Variants in MRPL2 observed in about 807,000 individuals in gnomAD.
MRPL2 encodes the protein large ribosomal subunit protein uL2m.
Under a neutral mutation model 34.6 loss-of-function variants are expected in MRPL2, and 27 were observed. The ratio of observed to expected loss-of-function variants is 0.78; its 90% CI spans 0.58 to 1.08. The LOEUF (loss-of-function observed/expected upper bound fraction) is 1.08. Among genes scored for constraint, MRPL2 ranks in the 50% least tolerant of loss-of-function variants. The probability of loss-of-function intolerance (pLI) is 0.00; values close to 1 mark genes in which losing one functional copy is unlikely to be tolerated. For synonymous variants in MRPL2, 155 were observed against 158.0 expected (o/e 0.98, Z 0.14); for missense variants, 414 against 419.3 (o/e 0.99, Z 0.11).
Position 43,059,082 on chromosome 6 carries a change from A to G in MRPL2, c.96+204T>C, listed in dbSNP as rs905673776. On this transcript the variant is annotated intron_variant, in intron 1 of 6. Transcript: ENST00000388752. Reference sequence around the variant, plus strand: ...AACCGGTGATCTGCAAAGCACTTTCACCTTAAGTATCTCGTCTGAAGAATT... The same window carrying G: ...AACCGGTGATCTGCAAAGCACTTTCGCCTTAAGTATCTCGTCTGAAGAATT... The G allele has an allele frequency of 8.1e-6, 12 of 1,486,166 alleles. No individual in the cohort carries two copies. The African/African-American group carries it at 1.5e-4, about 19-fold the overall frequency. The allele number at this position is 1,486,166 out of a possible 1,614,324, so 92.1% of individuals were successfully genotyped here.
rs1312480803 is a variant in MRPL2, at chr6:43,055,743, G to A, written c.632-125C>T. 55 of 1,293,080 alleles carry A rather than the reference G, an allele frequency of 4.3e-5. No homozygotes were observed. The East Asian group carries it at 5.2e-4, about 12-fold the overall frequency. The allele number at this position is 1,293,080 out of a possible 1,614,324, so 80.1% of individuals were successfully genotyped here. A position where few individuals can be genotyped will look rare whatever the true frequency, so the allele number is the denominator to read the frequency against. ...TAGGAGCAGATACACAAAGAAGGAC[G>A]CATGCTATGTTTTAGGTAAAAACAC... On this transcript the variant is annotated intron_variant, in intron 5 of 6. Coordinates refer to ENST00000388752, the MANE Select transcript of MRPL2 (RefSeq NM_015950.5).
chr6:43,058,904 T>C (rs1260409448), intron 1 of MRPL2: 11 of 515,980 alleles, frequency 2.1e-5, no homozygotes, highest in Non-Finnish European at 3.4e-5. Flanking sequence ...TGATAGTTGG[T>C]GTGTGACCTT....
chr6:43,055,989 T>C lies in MRPL2; in HGVS notation c.539A>G (p.Asp180Gly). 1 of 1,614,062 alleles carries C rather than the reference T, an allele frequency of 6.2e-7. No homozygotes were observed. The highest frequency in any genetic ancestry group is 8.5e-7 in the Non-Finnish European group (1 of 1,179,996). Residue 180 changes from aspartate (D) to glycine (G), a missense_variant, in exon 5 of 7, where the codon GAT (aspartate) becomes GGT (glycine). Transcript: ENST00000388752. The part of the protein sequence containing the change: ...GRMAVAAREG[D>G]AHPLGALPVG... ...AGGCAGAGCCCCAAGAGGATGCGCA[T>C]CCCCTTCCCGAGCAGCAACTAAAAG...
upstream of MRPL2, chr6:43,059,816 T>C (rs1765039960): frequency 8.6e-7 from 1 of 1,163,674 alleles, no homozygotes; most frequent in Non-Finnish European, 1.1e-6. Flanking sequence ...ACTCCGCCCT[T>C]CGCGATTCTT....
intron 6 of MRPL2, among the ~76,000 whole-genome samples, chr6:43,055,257 G>A (rs1764808237): frequency 6.6e-6 from 1 of 152,114 alleles, no homozygotes. Flanking sequence ...AGCTACTCGG[G>A]AGGCTGAGGC....
At chr6:43,059,443 G>A (rs1765014304), upstream of MRPL2, 1 of 1,477,062 alleles carries the variant, frequency 6.8e-7, no homozygotes, top group Admixed American at 2.4e-5. Flanking sequence ...TTGACTGTCC[G>A]GCGCCGTCGC....
At chr6:43,056,732 T>C (rs1764890526) in intron 2 of MRPL2, among the ~76,000 whole-genome samples, 1 of 150,946 alleles carries the variant, frequency 6.6e-6, no homozygotes, top group African/African-American at 2.4e-5. Context: ...TGGAGCGCAG[T>C]GGTGCGATCT....
rs1298498529 is a variant in MRPL2 at position 43,058,322 on chromosome 6, G to A, written c.97-89C>T. The A allele has an allele frequency of 5.3e-6, 7 of 1,316,160 alleles. No individual in the cohort carries two copies. The Admixed American group carries it at 1.4e-4, about 27-fold the overall frequency. 81.5% of individuals were successfully genotyped at this position (1,316,160 alleles called of 1,614,324 possible). On this transcript the variant is annotated intron_variant, in intron 1 of 6. Coordinates refer to ENST00000388752, the MANE Select transcript of MRPL2 (RefSeq NM_015950.5). ...AGGCAGAGGGCACAGATCAATTTTA[G>A]CTTGTAGCCCACTTCCTCCTGGATG... is the stretch of plus-strand genomic sequence containing the variant.
At position 43,056,182 on chromosome 6, in the gene MRPL2, G is replaced by A. The variant is rs1355634582; in HGVS notation, c.419C>T (p.Ala140Val). The A allele has an allele frequency of 1.7e-5, 28 of 1,614,026 alleles. No individual in the cohort carries two copies. Among genetic ancestry groups the A allele is most frequent in the Admixed American group, 5.0e-5 (3 of 59,998 alleles). Residue 140 changes from alanine to valine, a missense_variant, in exon 4 of 7, where the codon GCT (alanine) becomes GTT (valine). Ala to Val is a moderately conservative substitution (Grantham distance 64, BLOSUM62 0). Coordinates refer to ENST00000388752, the MANE Select transcript of MRPL2 (RefSeq NM_015950.5). ...RYDPCRSADIALVAGGSRKRW... is the reference protein window; with the variant it reads ...RYDPCRSADIVLVAGGSRKRW... ...TTTCCGGCTGCCCCCAGCAACCAGA[G>A]CTATGTCTGCTGACCTAATCAGGGT...
Position 43,055,587 on chromosome 6 carries a change from A to G in MRPL2, c.663T>C (p.Asn221=), listed in dbSNP as rs1764835243. The change falls in exon 6 of 7, where the codon AAT becomes AAC. Residue 221 remains asparagine (N), a synonymous_variant. Coordinates refer to ENST00000388752, the MANE Select transcript of MRPL2 (RefSeq NM_015950.5). ...AGGGCAGCTGGATAATGGCTGTGCC[A>G]TTCACCTTCCGCAGTAGCACACCAC... is the stretch of plus-strand genomic sequence containing the variant. ...GTCGVLLRKV[N]GTAIIQLPSK... is the part of the protein sequence containing the mutation. 1.2e-6 allele frequency: 2 copies of G among 1,614,076 alleles called. No homozygotes were observed. Among genetic ancestry groups the G allele is most frequent in the Non-Finnish European group, 1.7e-6 (2 of 1,180,026 alleles).
intron 2 of MRPL2, chr6:43,057,709 CGTCAG>C (rs1317517329): frequency 3.4e-6 from 1 of 294,998 alleles, no homozygotes; most frequent in African/African-American, 2.2e-5. Context: ...AAACTTGTGA[CGTCAG>C]GTGATCTGCC....
Position 43,059,362 on chromosome 6 carries a change from G to A in MRPL2, c.20C>T (p.Thr7Ile). Residue 7 changes from threonine to isoleucine, a missense_variant, in exon 1 of 7, where the codon ACC (threonine) becomes ATC (isoleucine). Coordinates refer to ENST00000388752, the MANE Select transcript of MRPL2 (RefSeq NM_015950.5). MALCAL[T>I]RALRSLNLAP... ...CAGGTTCAGAGAGCGCAGAGCGCGG[G>A]TCAGTGCGCACAGGGCCATCAGCAC... 1 of 1,552,090 alleles carries A rather than the reference G, an allele frequency of 6.4e-7. No homozygotes were observed. The highest frequency in any genetic ancestry group is 8.7e-7 in the Non-Finnish European group (1 of 1,147,458).
intron 6 of MRPL2, 80 bp from the exon 7 acceptor site, chr6:43,054,566 C>G (rs1038496713): frequency 8.2e-7 from 1 of 1,216,858 alleles, no homozygotes; most frequent in East Asian, 2.4e-5. Context: ...CCTTGGGGGG[C>G]TTCTTAGACT....
chr6:43,059,739 A>T, upstream of MRPL2: 1 of 1,232,534 alleles, frequency 8.1e-7, no homozygotes, highest in Non-Finnish European at 1.0e-6. Context: ...GCCATCTCTT[A>T]TTCTCGCACT....
chr6:43,055,408 T>A lies in MRPL2; in HGVS notation c.705+137A>T, dbSNP rs1764820036. 3 of 765,954 alleles carry A rather than the reference T, an allele frequency of 3.9e-6. No individual in the cohort carries two copies. In the South Asian group the frequency reaches 5.2e-5, roughly 13 times the overall value. The allele number at this position is 765,954 out of a possible 1,614,324, so 47.4% of individuals were successfully genotyped here. On this transcript the variant is annotated intron_variant, in intron 6 of 6. Transcript: ENST00000388752. ...GCCAATCCGACAAAGCACACCTGAG[T>A]CATGTGGCAGAAAAGGACAGCCTCA...
intron 1 of MRPL2, 27 bp downstream of exon 1, chr6:43,059,259 G>A: frequency 3.2e-6 from 5 of 1,551,260 alleles, no homozygotes; most frequent in Non-Finnish European, 4.4e-6. Context: ...AATGGAAGCA[G>A]CCTTCTTCCC....
rs749827960 is a variant in MRPL2, at chr6:43,054,522, G to A, written c.706-36C>T. The A allele has an allele frequency of 5.1e-6, 8 of 1,581,382 alleles. 1 individual carries two copies. In the African/African-American group the frequency reaches 5.4e-5, roughly 11 times the overall value. On this transcript the variant is annotated intron_variant, in intron 6 of 6. Transcript: ENST00000388752. ...AAACAGATGGAGATTCTGTACAATG[G>A]GGGGGAAAGAGCTTGACAATGTTGA... is the stretch of plus-strand genomic sequence containing the variant.
chr6:43,059,258 A>G, intron 1 of MRPL2, 28 bp downstream of exon 1: 1 of 1,551,236 alleles, frequency 6.4e-7, no homozygotes, highest in Non-Finnish European at 8.7e-7. Context: ...GAATGGAAGC[A>G]GCCTTCTTCC....
At chr6:43,059,006 C>CTA in intron 1 of MRPL2, 1 of 805,156 alleles carries the variant, frequency 1.2e-6, no homozygotes, top group Non-Finnish European at 1.9e-6. Flanking sequence ...CGTCTATTAC[C>CTA]TATACCTGGC....
Sources: allele counts gnomAD v4.1 joint callset (sites outside exome capture counted in the v4.1 genomes callset), GRCh38; gene constraint gnomAD v4.1.1; transcripts MANE v1.5; gene names NCBI Gene and HGNC (gene_info 2026-07-23, HGNC 2026-07-21).